Variants in REEP1 observed in about 807,000 individuals in gnomAD.
REEP1 encodes the protein receptor accessory protein 1, also known as receptor expression-enhancing protein 1.
In REEP1, 22 loss-of-function variants were observed where a neutral mutation model predicts 40.3. That is an observed-to-expected ratio of 0.55 (90% CI 0.39 to 0.78). The LOEUF is 0.78. Among genes scored for constraint, REEP1 ranks in the 30% least tolerant of loss-of-function variants. The pLI, the probability that REEP1 is intolerant of heterozygous loss-of-function variation, is 0.00. For synonymous variants in REEP1, 116 were observed against 139.2 expected, an observed-to-expected ratio of 0.83 and a Z score of 1.17; for missense variants, 280 against 361.1, an observed-to-expected ratio of 0.78 and a Z score of 1.82.
At chr2:86,305,346 T>C (rs566654427) in intron 1 of REEP1, among the ~76,000 whole-genome samples, 1 of 152,186 alleles carries the variant, frequency 6.6e-6, no homozygotes, top group Non-Finnish European at 1.5e-5. Flanking sequence ...TGCCTTTCTG[T>C]GTACCCGTTT....
intron 3 of REEP1, among the ~76,000 whole-genome samples, chr2:86,261,837 C>T (rs1162159854): frequency 6.6e-6 from 1 of 152,240 alleles, no homozygotes; most frequent in Non-Finnish European, 1.5e-5. Flanking sequence ...CGGTATAAAA[C>T]CCGATTGTAC....
chr2:86,229,161 T>G (rs557325176), intron 6 of REEP1, among the ~76,000 whole-genome samples: 2 of 152,344 alleles, frequency 1.3e-5, no homozygotes, highest in African/African-American at 4.8e-5. Context: ...GAATAGGGAC[T>G]ATTCGGTCTT....
chr2:86,311,885 A>T (rs780750583), intron 1 of REEP1, among the ~76,000 whole-genome samples: 1 of 152,122 alleles, frequency 6.6e-6, no homozygotes, highest in Non-Finnish European at 1.5e-5. Flanking sequence ...GACTTGATGC[A>T]CAGCTATCAC....
chr2:86,250,207 T>G (rs904736263), intron 5 of REEP1, among the ~76,000 whole-genome samples: 7 of 152,094 alleles, frequency 4.6e-5, no homozygotes, highest in African/African-American at 1.7e-4. Flanking sequence ...CAGAATGAAA[T>G]CTACATGCAC....
chr2:86,287,228 C>T (rs1678443032), intron 1 of REEP1, among the ~76,000 whole-genome samples: 1 of 152,122 alleles, frequency 6.6e-6, no homozygotes, highest in South Asian at 2.1e-4. Context: ...GCTGGGATTA[C>T]AGGTGTGCAT....
rs1218214345 is a variant in REEP1 at position 86,239,647 on chromosome 2, G to T, written c.418-6845C>A. ...GGCTCCCAATGACATGCTGCATGAG[G>T]ACCAGGCCCTTGTCTGTGACACAAA... On this transcript the variant is annotated intron_variant, in intron 5 of 8. Coordinates refer to ENST00000538924, the MANE Select transcript of REEP1 (RefSeq NM_001371279.1). 2.0e-5 allele frequency among the ~76,000 whole-genome samples: 3 copies of T among 152,190 alleles called. No homozygotes were observed. In the East Asian group the frequency reaches 5.8e-4, roughly 29 times the overall value.
At chr2:86,236,363 T>C (rs999414224) in intron 5 of REEP1, among the ~76,000 whole-genome samples, 2 of 152,242 alleles carry the variant, frequency 1.3e-5, no homozygotes, top group African/African-American at 4.8e-5. Context: ...TCTTTGTTAT[T>C]CTAGACCATT....
At chr2:86,288,749 T>G (rs1362888288) in intron 1 of REEP1, among the ~76,000 whole-genome samples, 2 of 152,192 alleles carry the variant, frequency 1.3e-5, no homozygotes. Context: ...ATTTTAATAC[T>G]CCCCATTCTT....
intron 1 of REEP1, among the ~76,000 whole-genome samples, chr2:86,295,586 G>A (rs1160434265): frequency 6.6e-6 from 1 of 152,186 alleles, no homozygotes; most frequent in African/African-American, 2.4e-5. Context: ...GTGCTTCGGT[G>A]TGATCTCCAC....
intron 1 of REEP1, among the ~76,000 whole-genome samples, chr2:86,284,431 C>G (rs752185235): frequency 3.0e-4 from 46 of 152,164 alleles, no homozygotes; most frequent in Non-Finnish European, 1.5e-4. Flanking sequence ...TCAGTAAGTA[C>G]GTGTTCACTG....
chr2:86,223,646 GCTCA>G (rs1374052245), intron 7 of REEP1: 1 of 152,004 alleles, frequency 6.6e-6, no homozygotes, highest in African/African-American at 2.4e-5. Flanking sequence ...ACACACACAT[GCTCA>G]CTCACTTCCC....
At chr2:86,262,181 TTGTCTC>T (rs1044163417) in intron 3 of REEP1, among the ~76,000 whole-genome samples, 2 of 152,194 alleles carry the variant, frequency 1.3e-5, no homozygotes, top group East Asian at 3.8e-4. Context: ...TCTCTATACT[TTGTCTC>T]TGTGTCTTTT....
chr2:86,309,798 A>G (rs1485937700), intron 1 of REEP1, among the ~76,000 whole-genome samples: 1 of 152,182 alleles, frequency 6.6e-6, no homozygotes, highest in Non-Finnish European at 1.5e-5. Flanking sequence ...CTATCTCCCA[A>G]AGGCCGCATC....
intron 6 of REEP1, among the ~76,000 whole-genome samples, chr2:86,229,169 CT>C (rs1312255595): frequency 6.6e-6 from 1 of 152,166 alleles, no homozygotes; most frequent in Non-Finnish European, 1.5e-5. Flanking sequence ...ACTATTCGGT[CT>C]TTTTTACAAA....
intron 2 of REEP1, among the ~76,000 whole-genome samples, chr2:86,280,730 A>G (rs1678036573): frequency 6.6e-6 from 1 of 152,232 alleles, no homozygotes; most frequent in Non-Finnish European, 1.5e-5. Context: ...CTCCCTGCTT[A>G]CGAACAGCAA....
intron 5 of REEP1, among the ~76,000 whole-genome samples, chr2:86,234,198 A>G (rs1235592226): frequency 1.3e-5 from 2 of 152,082 alleles, no homozygotes; most frequent in African/African-American, 2.4e-5. Flanking sequence ...GGGGAAAAAA[A>G]GGGGCTTGCA....
At chr2:86,239,955 C>T (rs186558103) in intron 5 of REEP1, 8 of 152,614 alleles carry the variant, frequency 5.2e-5, no homozygotes, top group Admixed American at 2.0e-4. Flanking sequence ...TGAGCAGAGC[C>T]GGTGGCCTGG....
At position 86,215,382 on chromosome 2, in the gene REEP1, T is replaced by C. The variant is rs966294030; in HGVS notation, c.*1657A>G. 2 of 152,284 alleles carry C rather than the reference T, an allele frequency of 1.3e-5. No individual in the cohort carries two copies. Among genetic ancestry groups the C allele is most frequent in the African/African-American group, 4.8e-5 (2 of 41,442 alleles). The allele number at this position is 152,284 out of a possible 1,614,324, so 9.4% of individuals were successfully genotyped here. Reference sequence around the variant, plus strand: ...CAAACCCTTTCTGGGGTGGCTAAGATCCAGCTAATGTGTCATCAGCAAAGG... The same window carrying C: ...CAAACCCTTTCTGGGGTGGCTAAGACCCAGCTAATGTGTCATCAGCAAAGG... On this transcript the variant is annotated 3_prime_UTR_variant, in exon 9 of 9. Coordinates refer to ENST00000538924, the MANE Select transcript of REEP1 (RefSeq NM_001371279.1).
upstream of REEP1, chr2:86,337,924 T>C: frequency 1.7e-6 from 2 of 1,182,596 alleles, no homozygotes; most frequent in Non-Finnish European, 2.4e-6. This position sits in a 1 kb window ranked among gnomAD's most constrained non-coding sequence, Gnocchi z 5.8. Context: ...GCGGAGAAAC[T>C]GAAGTCCGAA....
Sources: allele counts gnomAD v4.1 joint callset (sites outside exome capture counted in the v4.1 genomes callset), GRCh38; gene constraint gnomAD v4.1.1; non-coding constraint Gnocchi (gnomAD v3.1); transcripts MANE v1.5; gene names NCBI Gene and HGNC (gene_info 2026-07-23, HGNC 2026-07-21).